SORCS2: variants seen among roughly 807,000 people sequenced by gnomAD.
SORCS2 encodes the protein VPS10 domain-containing receptor SorCS2.
Under a neutral mutation model 141.6 loss-of-function variants are expected in SORCS2, and 100 were observed. The observed-to-expected ratio is 0.71, with a 90% confidence interval of 0.60 to 0.83. The LOEUF (loss-of-function observed/expected upper bound fraction) is 0.83. SORCS2 is among the 40% of genes least tolerant of loss of function. The pLI, the probability that SORCS2 is intolerant of heterozygous loss-of-function variation, is 0.00. For missense variants in SORCS2, 1,646 were observed against 1,560.2 expected (o/e 1.05, Z -0.93); for synonymous variants, 789 against 676.9 (o/e 1.17, Z -2.57).
intron 3 of SORCS2, among the ~76,000 whole-genome samples, chr4:7,613,690 A>G (rs1197672129): frequency 6.6e-6 from 1 of 152,072 alleles, no homozygotes; most frequent in Non-Finnish European, 1.5e-5. Context: ...TCGATTTCCT[A>G]GTGTAAGCTG....
rs565099808 is a variant in SORCS2, at chr4:7,350,550, G to GGTGT, written c.481-45736_481-45733dup. On this transcript the variant is annotated intron_variant, in intron 1 of 26. Transcript: ENST00000507866. Reference sequence around the variant, plus strand: ...CTCCTGGCACCTAGCATGCTGATGGGGTGTGCTGGCTGCTGGGGGGACCCA... The same window carrying GGTGT: ...CTCCTGGCACCTAGCATGCTGATGGGGTGTGTGTGCTGGCTGCTGGGGGGACCCA... Among the ~76,000 whole-genome samples, 317 of 152,332 alleles carry GGTGT rather than the reference G, an allele frequency of 2.1e-3. 1 individual carries two copies. The highest frequency in any genetic ancestry group is 0.02 in the Middle Eastern group (6 of 294).
intron 2 of SORCS2, among the ~76,000 whole-genome samples, chr4:7,412,456 G>T (rs550350255): frequency 1.3e-5 from 2 of 152,160 alleles, no homozygotes; most frequent in East Asian, 3.9e-4. Flanking sequence ...TGCCCATCCA[G>T]ACGACCCCGT....
intron 2 of SORCS2, among the ~76,000 whole-genome samples, chr4:7,451,806 T>G (rs747395672): frequency 6.6e-6 from 1 of 152,200 alleles, no homozygotes; most frequent in Non-Finnish European, 1.5e-5. Context: ...AGGGCCAGAC[T>G]GAAGCGGGGA....
At chr4:7,725,770 C>T (rs1014566345) in intron 20 of SORCS2, among the ~76,000 whole-genome samples, 1 of 152,208 alleles carries the variant, frequency 6.6e-6, no homozygotes, top group Admixed American at 6.5e-5. Context: ...AGCAGAATGC[C>T]TGGACTGGGG....
intron 2 of SORCS2, among the ~76,000 whole-genome samples, chr4:7,403,997 A>ATTTTT (rs60403055): frequency 3.3e-3 from 62 of 18,832 alleles, no homozygotes; most frequent in Admixed American, 0.014. Context: ...ATATATATAT[A>ATTTTT]TTTTTTTTTT....
chr4:7,308,453 G>C (rs1473120602), intron 1 of SORCS2, among the ~76,000 whole-genome samples: 1 of 152,160 alleles, frequency 6.6e-6, no homozygotes, highest in East Asian at 1.9e-4. Context: ...GTGGACACCT[G>C]CTCTTCTTCC....
chr4:7,607,318 G>A (rs981496648), intron 3 of SORCS2, among the ~76,000 whole-genome samples: 2 of 152,216 alleles, frequency 1.3e-5, no homozygotes, highest in Non-Finnish European at 2.9e-5. Context: ...CGCTTTTGGA[G>A]ACTTGCTGTG....
chr4:7,385,578 G>T (rs558436764), intron 1 of SORCS2, among the ~76,000 whole-genome samples: 1 of 152,188 alleles, frequency 6.6e-6, no homozygotes, highest in Non-Finnish European at 1.5e-5. Flanking sequence ...CTCTGCACTC[G>T]GGAGGAAGGC....
chr4:7,343,029 A>G (rs1322215340), intron 1 of SORCS2, among the ~76,000 whole-genome samples: 1 of 152,152 alleles, frequency 6.6e-6, no homozygotes, highest in Admixed American at 6.5e-5. Context: ...GAGGGTGGAA[A>G]AGGGGACAGA....
At chr4:7,541,938 G>T (rs1175249056) in intron 3 of SORCS2, among the ~76,000 whole-genome samples, 2 of 152,242 alleles carry the variant, frequency 1.3e-5, no homozygotes, top group African/African-American at 4.8e-5. Context: ...GCTCACCAAT[G>T]AGCATACTTT....
chr4:7,455,057 T>A (rs1420649764), intron 2 of SORCS2, among the ~76,000 whole-genome samples: 1 of 78,532 alleles, frequency 1.3e-5, no homozygotes, highest in African/African-American at 4.7e-5. Flanking sequence ...TGGGGTCAGA[T>A]GCTGTGTTGG....
intron 2 of SORCS2, among the ~76,000 whole-genome samples, chr4:7,470,214 C>T (rs1729886156): frequency 6.6e-6 from 1 of 150,674 alleles, no homozygotes; most frequent in African/African-American, 2.4e-5. Context: ...TCCTCTCATC[C>T]TCCCATCCCT....
chr4:7,438,011 G>T (rs1344209152), intron 2 of SORCS2, among the ~76,000 whole-genome samples: 2 of 152,156 alleles, frequency 1.3e-5, no homozygotes, highest in Non-Finnish European at 2.9e-5. Flanking sequence ...TAAGGACCAG[G>T]ACATTCTCTC....
intron 2 of SORCS2, among the ~76,000 whole-genome samples, chr4:7,460,269 C>T (rs1395738358): frequency 6.6e-6 from 1 of 152,218 alleles, no homozygotes; most frequent in Non-Finnish European, 1.5e-5. Context: ...ATGCCCTAAG[C>T]CCCAGAGGAC....
intron 1 of SORCS2, among the ~76,000 whole-genome samples, chr4:7,199,347 T>C (rs1355201175): frequency 2.0e-5 from 3 of 151,974 alleles, no homozygotes; most frequent in Non-Finnish European, 4.4e-5. Flanking sequence ...CAGGGGAAGC[T>C]CAGTTCACCT....
intron 2 of SORCS2, among the ~76,000 whole-genome samples, chr4:7,461,900 TG>T (rs1729336300): frequency 9.8e-6 from 1 of 101,552 alleles, no homozygotes; most frequent in Non-Finnish European, 2.1e-5. Flanking sequence ...TGGGAGGTGC[TG>T]TCCCGCAGGC....
At chr4:7,402,901 A>C (rs1479170630) in intron 2 of SORCS2, among the ~76,000 whole-genome samples, 1 of 151,508 alleles carries the variant, frequency 6.6e-6, no homozygotes, top group Non-Finnish European at 1.5e-5. Context: ...GTCTTTTTAC[A>C]TTGGGTTGCT....
chr4:7,470,629 G>T (rs554409417), intron 2 of SORCS2, among the ~76,000 whole-genome samples: 1 of 149,744 alleles, frequency 6.7e-6, no homozygotes, highest in East Asian at 1.9e-4. Context: ...TGGTCTGGGC[G>T]AGGATTGGAG....
chr4:7,688,073 A>G (rs1723987574), intron 10 of SORCS2, among the ~76,000 whole-genome samples: 1 of 152,206 alleles, frequency 6.6e-6, no homozygotes, highest in African/African-American at 2.4e-5. Context: ...CCAAGTCAAT[A>G]TCCAATTTCC....
Sources: allele counts gnomAD v4.1 joint callset (sites outside exome capture counted in the v4.1 genomes callset), GRCh38; gene constraint gnomAD v4.1.1; transcripts MANE v1.5; gene names NCBI Gene and HGNC (gene_info 2026-07-23, HGNC 2026-07-21).